The following CHN2 variants were observed in gnomAD, a reference collection of about 807,000 sequenced individuals.
CHN2 encodes the protein beta-chimaerin.
A neutral mutation model predicts 56.3 loss-of-function variants in CHN2; 35 were observed. The observed-to-expected ratio is 0.62, with a 90% CI of 0.47 to 0.82. CHN2 has a LOEUF of 0.82. Ranked by LOEUF, CHN2 falls within the 40% of genes least tolerant of loss-of-function variation. The pLI is 0.00. For synonymous variants in CHN2, 210 were observed against 212.8 expected (o/e 0.99, Z 0.12); for missense variants, 491 against 580.5 (o/e 0.85, Z 1.58).
chr7:29,490,180 T>C (rs749085466), intron 7 of CHN2, among the ~76,000 whole-genome samples: 20 of 151,780 alleles, frequency 1.3e-4, no homozygotes, highest in Non-Finnish European at 2.5e-4. Context: ...CCCACCTTCA[T>C]TGGCCTTTGG....
At chr7:29,474,058 T>A (rs528806961) in intron 6 of CHN2, among the ~76,000 whole-genome samples, 30 of 152,326 alleles carry the variant, frequency 2.0e-4, no homozygotes, top group African/African-American at 7.0e-4. Flanking sequence ...TTCAGCAGTT[T>A]GAGTGAATGT....
At chr7:29,149,035 T>A (rs1314521475) in intron 2 of CHN2, among the ~76,000 whole-genome samples, 1 of 152,098 alleles carries the variant, frequency 6.6e-6, no homozygotes, top group Non-Finnish European at 1.5e-5. Context: ...CTTGGACAGA[T>A]GGACTGTGCG....
intron 2 of CHN2, among the ~76,000 whole-genome samples, chr7:29,160,038 A>G (rs1794966437): frequency 6.6e-6 from 1 of 152,176 alleles, no homozygotes; most frequent in South Asian, 2.1e-4. Flanking sequence ...TGGAGAGCCA[A>G]TCTTCATTAT....
intron 2 of CHN2, among the ~76,000 whole-genome samples, chr7:29,188,057 CAG>C (rs146967044): frequency 1.9e-3 from 282 of 152,234 alleles, no homozygotes; most frequent in African/African-American, 5.9e-3. Context: ...GGTGATGTAA[CAG>C]GGGGGTGGTA....
At chr7:29,280,155 G>A (rs1156256241) in intron 1 of CHN2, among the ~76,000 whole-genome samples, 3 of 151,938 alleles carry the variant, frequency 2.0e-5, no homozygotes, top group South Asian at 2.1e-4. Context: ...AGGCTGAGGC[G>A]GGTGGATCAC....
At chr7:29,200,509 CT>C (rs1488955269) in intron 1 of CHN2, among the ~76,000 whole-genome samples, 1 of 127,588 alleles carries the variant, frequency 7.8e-6, no homozygotes, top group Non-Finnish European at 1.6e-5. Flanking sequence ...CTTCTCTCAT[CT>C]GTTGTTGGTC....
chr7:29,251,053 T>A (rs1788471529), intron 1 of CHN2, among the ~76,000 whole-genome samples: 1 of 152,234 alleles, frequency 6.6e-6, no homozygotes, highest in African/African-American at 2.4e-5. Flanking sequence ...GATCACTTAT[T>A]AATTATGGGC....
chr7:29,234,894 C>G (rs1413321014), intron 1 of CHN2, among the ~76,000 whole-genome samples: 1 of 152,152 alleles, frequency 6.6e-6, no homozygotes, highest in Non-Finnish European at 1.5e-5. Context: ...GTCACGAAAA[C>G]AGGTTTTTAT....
chr7:29,172,506 G>A (rs1189347392), intron 2 of CHN2, among the ~76,000 whole-genome samples: 1 of 152,136 alleles, frequency 6.6e-6, no homozygotes, highest in African/African-American at 2.4e-5. Context: ...TCAGATTCAG[G>A]AAAACCATTG....
intron 6 of CHN2, among the ~76,000 whole-genome samples, chr7:29,434,607 C>T (rs1163172666): frequency 1.3e-5 from 2 of 152,116 alleles, no homozygotes; most frequent in African/African-American, 4.8e-5. Flanking sequence ...ATAAGGAATC[C>T]TGTCATTGGA....
At chr7:29,480,477 C>T (rs1453907681) in intron 7 of CHN2, 121 bp downstream of exon 7, 8 of 1,068,038 alleles carry the variant, frequency 7.5e-6, no homozygotes, top group Non-Finnish European at 9.7e-6. Context: ...TTGCTTTCCA[C>T]ATTTAGCTAT....
At chr7:29,213,249 C>T in intron 1 of CHN2, 2 of 997,782 alleles carry the variant, frequency 2.0e-6, no homozygotes, top group Non-Finnish European at 3.2e-6. Flanking sequence ...CAGTTTCACT[C>T]TGGGTAGTGG....
intron 6 of CHN2, among the ~76,000 whole-genome samples, chr7:29,417,130 G>T (rs953849497): frequency 1.3e-5 from 2 of 152,188 alleles, no homozygotes; most frequent in Non-Finnish European, 2.9e-5. Context: ...GGCCCCAGCT[G>T]CTCGCAGTCC....
At chr7:29,387,674 C>T (rs1801024287) in intron 3 of CHN2, among the ~76,000 whole-genome samples, 1 of 152,178 alleles carries the variant, frequency 6.6e-6, no homozygotes, top group Non-Finnish European at 1.5e-5. Context: ...GTGGGCTTCT[C>T]TCATATCTGT....
At chr7:29,294,430 C>G (rs1239532275) in intron 1 of CHN2, among the ~76,000 whole-genome samples, 1 of 152,078 alleles carries the variant, frequency 6.6e-6, no homozygotes, top group African/African-American at 2.4e-5. Context: ...AGGTGGCATG[C>G]CTTTCTTATT....
chr7:29,167,850 G>A (rs895817035), intron 2 of CHN2, among the ~76,000 whole-genome samples: 6 of 152,314 alleles, frequency 3.9e-5, no homozygotes, highest in Non-Finnish European at 8.8e-5. Context: ...AATTGTGAAG[G>A]AATGTCTGCC....
At chr7:29,416,864 T>A (rs966575994) in intron 6 of CHN2, among the ~76,000 whole-genome samples, 5 of 152,248 alleles carry the variant, frequency 3.3e-5, no homozygotes, top group African/African-American at 9.6e-5. Flanking sequence ...TTAGGCGTTC[T>A]CTAAGTAGTG....
chr7:29,152,739 C>T (rs141997765), intron 2 of CHN2, among the ~76,000 whole-genome samples: 178 of 152,320 alleles, frequency 1.2e-3, no homozygotes, highest in African/African-American at 4.0e-3. Context: ...GAAGAGTTAA[C>T]GCCATTTTGT....
At position 29,499,976 on chromosome 7, in the gene CHN2, G is replaced by C; in HGVS notation, c.849G>C (p.Val283=). The C allele has an allele frequency of 6.2e-7, 1 of 1,609,054 alleles. No homozygotes were observed. Among genetic ancestry groups the C allele is most frequent in the South Asian group, 1.1e-5 (1 of 90,032 alleles). Residue 283 remains valine, a synonymous_variant, in exon 9 of 13, where the codon GTG becomes GTC. Coordinates refer to ENST00000222792, the MANE Select transcript of CHN2 (RefSeq NM_004067.4). ...ACTGTTGTGACCTCACAACACTTGT[G>C]AAGGCTCACAACACTCAGAGACCCA... ...KVYCCDLTTL[V]KAHNTQRPMV... is the part of the protein sequence containing the mutation.
Sources: gnomAD v4.1 joint callset for allele counts (sites outside exome capture counted in the v4.1 genomes callset) on GRCh38, gnomAD v4.1.1 for gene constraint, MANE v1.5 for transcripts, NCBI Gene and HGNC (gene_info 2026-07-23, HGNC 2026-07-21) for gene names.